The following ACER3 variants were observed in gnomAD, a reference collection of about 807,000 sequenced individuals.
ACER3 encodes the protein alkCDase 3.
Under a neutral mutation model 48.9 loss-of-function variants are expected in ACER3, and 16 were observed. The observed-to-expected ratio is 0.33, with a 90% CI of 0.22 to 0.50. The LOEUF (loss-of-function observed/expected upper bound fraction) is 0.50. Ranked by LOEUF, ACER3 falls within the 20% of genes least tolerant of loss-of-function variation. The probability of loss-of-function intolerance (pLI) is 0.98; values close to 1 mark genes in which losing one functional copy is unlikely to be tolerated. For synonymous variants in ACER3, 109 were observed against 107.8 expected (o/e 1.01, Z -0.07); for missense variants, 227 against 326.0 (o/e 0.70, Z 2.34).
intron 2 of ACER3, among the ~76,000 whole-genome samples, chr11:76,956,558 G>A (rs1947847390): frequency 6.6e-6 from 1 of 152,020 alleles, no homozygotes; most frequent in African/African-American, 2.4e-5. Flanking sequence ...AAAAAAATCA[G>A]ACTTTTAATG....
intron 7 of ACER3, among the ~76,000 whole-genome samples, chr11:77,005,803 C>T (rs1555020790): frequency 6.6e-6 from 1 of 151,424 alleles, no homozygotes. Flanking sequence ...ATAATTATAT[C>T]TGCAAGGACT....
intron 2 of ACER3, among the ~76,000 whole-genome samples, chr11:76,952,997 A>G (rs1325638485): frequency 6.6e-6 from 1 of 152,088 alleles, no homozygotes; most frequent in African/African-American, 2.4e-5. Flanking sequence ...ATAAACAGAG[A>G]GACAGGTTGG....
At chr11:76,879,094 G>A (rs1391519060) in intron 1 of ACER3, among the ~76,000 whole-genome samples, 3 of 152,026 alleles carry the variant, frequency 2.0e-5, no homozygotes, top group Non-Finnish European at 2.9e-5. Context: ...TTTTGTGACT[G>A]TTTTCTCCCT....
At chr11:76,924,892 C>G (rs1946778643) in intron 1 of ACER3, among the ~76,000 whole-genome samples, 1 of 145,982 alleles carries the variant, frequency 6.9e-6, no homozygotes, top group African/African-American at 2.5e-5. Flanking sequence ...ACAAGAATCT[C>G]TTGAGCCCAG....
intron 2 of ACER3, among the ~76,000 whole-genome samples, chr11:76,941,041 GCACACACA>G (rs1491065697): frequency 8.0e-6 from 1 of 125,214 alleles, no homozygotes; most frequent in African/African-American, 3.9e-5. Context: ...ACACACACAC[GCACACACA>G]CACGCACACA....
intron 4 of ACER3, chr11:76,978,734 G>T: frequency 6.5e-6 from 1 of 154,642 alleles, no homozygotes; most frequent in South Asian, 2.0e-4. Context: ...CCAGACCTAG[G>T]GGCTCCGCGA....
Position 76,959,326 on chromosome 11 carries a change from C to G in ACER3, c.267+295C>G, listed in dbSNP as rs567963089. On this transcript the variant is annotated intron_variant, in intron 3 of 10. Transcript: ENST00000532485. The stretch of plus-strand genomic sequence containing the variant: ...TGGGGACATCTTAAAAAGACATAAT[C>G]AGTTCACCAGAACAATATATTCTTA... The G allele has an allele frequency of 6.0e-6, 5 of 832,230 alleles. No homozygotes were observed. The East Asian group carries it at 2.5e-4, about 42-fold the overall frequency. 51.6% of individuals were successfully genotyped at this position (832,230 alleles called of 1,614,324 possible). A position where few individuals can be genotyped will look rare whatever the true frequency, so the allele number is the denominator to read the frequency against.
intron 1 of ACER3, among the ~76,000 whole-genome samples, chr11:76,916,546 AC>A (rs1206953691): frequency 6.6e-6 from 1 of 152,188 alleles, no homozygotes; most frequent in African/African-American, 2.4e-5. Context: ...AAGTGCTGTA[AC>A]AAGAGTGGTC....
chr11:76,982,853 C>T (rs1948614170), intron 4 of ACER3, among the ~76,000 whole-genome samples: 1 of 152,006 alleles, frequency 6.6e-6, no homozygotes, highest in African/African-American at 2.4e-5. Context: ...ATCATGTTTT[C>T]CTTACCAGTA....
chr11:77,015,945 A>G (rs563734842), intron 8 of ACER3, among the ~76,000 whole-genome samples: 80 of 152,138 alleles, frequency 5.3e-4, no homozygotes, highest in Admixed American at 8.5e-4. Context: ...TGTCTTTACT[A>G]AAAATACAAA....
intron 1 of ACER3, among the ~76,000 whole-genome samples, chr11:76,918,050 ACT>A (rs1421805921): frequency 6.6e-6 from 1 of 150,760 alleles, no homozygotes; most frequent in African/African-American, 2.4e-5. Context: ...TGTTCCTATC[ACT>A]CTCTTTTGCT....
chr11:76,902,915 A>G (rs79255259), intron 1 of ACER3, among the ~76,000 whole-genome samples: 4,940 of 152,282 alleles, frequency 0.032, 97 homozygotes, highest in South Asian at 0.065. Flanking sequence ...ATTTAATACT[A>G]CATCTTTACA....
chr11:76,906,101 C>G (rs529036383), intron 1 of ACER3, among the ~76,000 whole-genome samples: 2 of 152,206 alleles, frequency 1.3e-5, no homozygotes, highest in African/African-American at 4.8e-5. Flanking sequence ...TAAAGCTAAC[C>G]ATGGGAGGAA....
chr11:76,886,317 A>G (rs1945670583), intron 1 of ACER3, among the ~76,000 whole-genome samples: 1 of 152,186 alleles, frequency 6.6e-6, no homozygotes, highest in Admixed American at 6.5e-5. Context: ...ATTAGAAGAG[A>G]TAGGCAGGGG....
intron 3 of ACER3, among the ~76,000 whole-genome samples, chr11:76,972,426 T>G (rs1004002368): frequency 3.9e-5 from 6 of 152,358 alleles, no homozygotes; most frequent in African/African-American, 1.4e-4. Flanking sequence ...TGCCTATTTT[T>G]AAAATAGCCA....
Position 77,023,050 on chromosome 11 carries a change from T to C in ACER3, c.*2723T>C, listed in dbSNP as rs1322732372. 1 of 398,396 alleles carries C rather than the reference T, an allele frequency of 2.5e-6. No individual in the cohort carries two copies. The highest frequency in any genetic ancestry group is 4.4e-6 in the Non-Finnish European group (1 of 226,000). The allele number at this position is 398,396 out of a possible 1,614,324, so 24.7% of individuals were successfully genotyped here. On this transcript the variant is annotated 3_prime_UTR_variant, in exon 11 of 11. Coordinates refer to ENST00000532485, the MANE Select transcript of ACER3 (RefSeq NM_018367.7). ...GCTAGGTGAAAGGAGGTTAAGCTGA[T>C]TGTCACTCTGCCTGCCCACTACCTA...
chr11:76,991,815 C>CAA (rs5792751), intron 6 of ACER3, among the ~76,000 whole-genome samples: 47,772 of 122,868 alleles, frequency 0.39, 10,830 homozygotes, highest in Non-Finnish European at 0.52. Flanking sequence ...AACTCTGTCT[C>CAA]AAAAAAAAAA....
At chr11:77,009,567 T>C (rs1949219205) in intron 7 of ACER3, among the ~76,000 whole-genome samples, 1 of 152,162 alleles carries the variant, frequency 6.6e-6, no homozygotes, top group Non-Finnish European at 1.5e-5. Context: ...CCTAATACTT[T>C]GGGAGACTAC....
At chr11:76,993,089 C>T (rs1948836586) in intron 6 of ACER3, among the ~76,000 whole-genome samples, 1 of 152,144 alleles carries the variant, frequency 6.6e-6, no homozygotes, top group African/African-American at 2.4e-5. Flanking sequence ...GGTCTCAAAA[C>T]TCCTGAGCTC....
Sources: gnomAD v4.1 joint callset for allele counts (sites outside exome capture counted in the v4.1 genomes callset) on GRCh38, gnomAD v4.1.1 for gene constraint, MANE v1.5 for transcripts, NCBI Gene and HGNC (gene_info 2026-07-23, HGNC 2026-07-21) for gene names.